Variants in RFX3 observed in about 807,000 individuals in gnomAD.
The protein encoded by RFX3 is transcription factor RFX3.
In RFX3, 14 loss-of-function variants were observed where a neutral mutation model predicts 98.6. The ratio of observed to expected loss-of-function variants is 0.14; its 90% CI spans 0.09 to 0.22. RFX3 has a LOEUF of 0.22. RFX3 is among the 10% of genes least tolerant of loss of function. The probability of loss-of-function intolerance (pLI) is 1.00; values close to 1 mark genes in which losing one functional copy is unlikely to be tolerated. For synonymous variants in RFX3, 383 were observed against 328.4 expected, an observed-to-expected ratio of 1.17 and a Z score of -1.80; for missense variants, 639 against 926.9, an observed-to-expected ratio of 0.69 and a Z score of 4.03.
At chr9:3,525,536 G>T (rs1204026751) in intron 1 of RFX3, among the ~76,000 whole-genome samples, 1 of 151,742 alleles carries the variant, frequency 6.6e-6, no homozygotes, top group Non-Finnish European at 1.5e-5. Flanking sequence ...CCACACCCCC[G>T]ACCCAGCCGC....
intron 2 of RFX3, among the ~76,000 whole-genome samples, chr9:3,391,625 T>C (rs1840321465): frequency 6.6e-6 from 1 of 152,164 alleles, no homozygotes; most frequent in African/African-American, 2.4e-5. Context: ...GTGGTCCAGG[T>C]GTACACAAGA....
chr9:3,502,801 C>T (rs1000781814), intron 1 of RFX3, among the ~76,000 whole-genome samples: 4 of 152,014 alleles, frequency 2.6e-5, no homozygotes, highest in Admixed American at 6.6e-5. Flanking sequence ...TCATCTATGT[C>T]GGTTCTCTTT....
intron 1 of RFX3, among the ~76,000 whole-genome samples, chr9:3,480,904 A>G (rs957849429): frequency 6.6e-6 from 1 of 152,164 alleles, no homozygotes; most frequent in Admixed American, 6.6e-5. Flanking sequence ...GATGGTAAGT[A>G]TAATCAACCT....
intron 4 of RFX3, among the ~76,000 whole-genome samples, chr9:3,308,021 A>AT (rs1253861373): frequency 6.6e-6 from 1 of 152,022 alleles, no homozygotes; most frequent in Non-Finnish European, 1.5e-5. Flanking sequence ...AACATTCTCC[A>AT]TTTTTTTCTT....
chr9:3,311,997 T>G (rs1354331745), intron 4 of RFX3, among the ~76,000 whole-genome samples: 1 of 152,210 alleles, frequency 6.6e-6, no homozygotes, highest in African/African-American at 2.4e-5. Flanking sequence ...CTGTTTCATT[T>G]GCCCAAAGCA....
chr9:3,499,314 T>C (rs1419713178), intron 1 of RFX3, among the ~76,000 whole-genome samples: 5 of 152,010 alleles, frequency 3.3e-5, no homozygotes, highest in Non-Finnish European at 2.9e-5. Flanking sequence ...CCAGAAATCA[T>C]GAAGTTGGTA....
chr9:3,377,180 A>T (rs943523945), intron 2 of RFX3, among the ~76,000 whole-genome samples: 8 of 152,360 alleles, frequency 5.3e-5, no homozygotes, highest in East Asian at 1.9e-4. Context: ...AATAGCAAAG[A>T]GTTGGAACCA....
intron 2 of RFX3, among the ~76,000 whole-genome samples, chr9:3,350,943 G>A (rs536063766): frequency 1.3e-5 from 2 of 152,084 alleles, no homozygotes; most frequent in Non-Finnish European, 2.9e-5. Flanking sequence ...CTGGGGGAAA[G>A]GAGAGATGAA....
At chr9:3,377,739 G>C (rs925135796) in intron 2 of RFX3, among the ~76,000 whole-genome samples, 5 of 152,078 alleles carry the variant, frequency 3.3e-5, no homozygotes, top group South Asian at 2.1e-4. Context: ...ACAAAGAAGA[G>C]GGAAGTATTT....
At chr9:3,401,029 C>T (rs530372466) in intron 1 of RFX3, among the ~76,000 whole-genome samples, 1 of 152,176 alleles carries the variant, frequency 6.6e-6, no homozygotes, top group Non-Finnish European at 1.5e-5. Flanking sequence ...TTGGTCTAGA[C>T]AGCAATCTTT....
chr9:3,408,612 TCACACACACACACA>T, intron 1 of RFX3, among the ~76,000 whole-genome samples: 1 of 147,794 alleles, frequency 6.8e-6, no homozygotes, highest in African/African-American at 2.5e-5. Context: ...TCTCTCTCTC[TCACACACACACACA>T]CACACACACG....
chr9:3,522,305 G>T (rs1397529025), intron 1 of RFX3, among the ~76,000 whole-genome samples: 1 of 152,144 alleles, frequency 6.6e-6, no homozygotes, highest in Non-Finnish European at 1.5e-5. Context: ...AACATACTTT[G>T]TCATGGCCAC....
rs1264303459 is a variant in RFX3, at chr9:3,251,256, C to T, written c.1815-3071G>A. On this transcript the variant is annotated intron_variant, in intron 14 of 16. Coordinates refer to ENST00000617270, the MANE Select transcript of RFX3 (RefSeq NM_001282116.2). ...TAGCCTATGGTAAACAACTGGATCC[C>T]AATTTTATTTAACCCAAAAAGAAAC... Among the ~76,000 whole-genome samples, 4 of 152,036 alleles carry T rather than the reference C, an allele frequency of 2.6e-5. No homozygotes were observed. In the South Asian group the frequency reaches 8.3e-4, roughly 32 times the overall value.
chr9:3,395,703 A>C (rs1840789445), intron 1 of RFX3, 107 bp from the exon 2 acceptor site: 3 of 1,136,100 alleles, frequency 2.6e-6, no homozygotes, highest in Non-Finnish European at 3.8e-6. Flanking sequence ...TTCAACTCTC[A>C]TACCTCTTAT....
intron 4 of RFX3, among the ~76,000 whole-genome samples, chr9:3,315,398 C>T (rs1253387454): frequency 6.6e-6 from 1 of 152,146 alleles, no homozygotes; most frequent in Non-Finnish European, 1.5e-5. Flanking sequence ...ATTTATAGCA[C>T]TAAATGCCCA....
At chr9:3,468,805 T>C (rs1397593632) in intron 1 of RFX3, among the ~76,000 whole-genome samples, 3 of 144,566 alleles carry the variant, frequency 2.1e-5, no homozygotes, top group African/African-American at 7.9e-5. Context: ...TACCCGATTG[T>C]TTTCCTTTTG....
chr9:3,434,937 G>C (rs1409813211), intron 1 of RFX3, among the ~76,000 whole-genome samples: 4 of 151,892 alleles, frequency 2.6e-5, no homozygotes, highest in Non-Finnish European at 5.9e-5. Flanking sequence ...CTACAAACCT[G>C]TTCAGTATGT....
intron 2 of RFX3, among the ~76,000 whole-genome samples, chr9:3,353,254 G>T (rs928305794): frequency 6.6e-6 from 1 of 151,288 alleles, no homozygotes; most frequent in South Asian, 2.1e-4. Flanking sequence ...GCTAAATGAC[G>T]AGTTAATGGG....
chr9:3,443,506 C>G (rs757322202), intron 1 of RFX3, among the ~76,000 whole-genome samples: 1 of 152,120 alleles, frequency 6.6e-6, no homozygotes, highest in Non-Finnish European at 1.5e-5. Flanking sequence ...GCTTCCAACT[C>G]CATTCATGTC....
Sources: gnomAD v4.1 joint callset for allele counts (sites outside exome capture counted in the v4.1 genomes callset) on GRCh38, gnomAD v4.1.1 for gene constraint, MANE v1.5 for transcripts, NCBI Gene and HGNC (gene_info 2026-07-23, HGNC 2026-07-21) for gene names.